The following ATP2C1 variants were observed in gnomAD, a reference collection of about 807,000 sequenced individuals.
ATP2C1 encodes calcium-transporting ATPase type 2C member 1.
In ATP2C1, 31 loss-of-function variants were observed where a neutral mutation model predicts 120.5. That is an observed-to-expected ratio of 0.26 (90% CI 0.19 to 0.35). ATP2C1 has a LOEUF of 0.35. Among genes scored for constraint, ATP2C1 ranks in the 10% least tolerant of loss-of-function variants. The pLI is 1.00. For synonymous variants in ATP2C1, 351 were observed against 358.7 expected, an observed-to-expected ratio of 0.98 and a Z score of 0.24; for missense variants, 731 against 1,107.5, an observed-to-expected ratio of 0.66 and a Z score of 4.83.
intron 1 of ATP2C1, among the ~76,000 whole-genome samples, chr3:130,874,436 C>T (rs1046643734): frequency 1.3e-5 from 2 of 152,080 alleles, no homozygotes; most frequent in African/African-American, 2.4e-5. Flanking sequence ...AAGTACTTGT[C>T]GTAACATTTT....
intron 1 of ATP2C1, among the ~76,000 whole-genome samples, chr3:130,860,608 A>G: frequency 6.6e-6 from 1 of 152,250 alleles, no homozygotes; most frequent in East Asian, 1.9e-4. Context: ...TTCAAGAGGT[A>G]AAGTAACTTG....
chr3:130,991,319 TGTG>T (rs796900426), intron 20 of ATP2C1, among the ~76,000 whole-genome samples: 2 of 151,952 alleles, frequency 1.3e-5, no homozygotes, highest in Non-Finnish European at 2.9e-5. Flanking sequence ...GCATTAGCAA[TGTG>T]GTGGTGGTGG....
chr3:131,001,830 A>G lies in ATP2C1; in HGVS notation c.*480A>G, dbSNP rs2062899375. On this transcript the variant is annotated 3_prime_UTR_variant, in exon 28 of 28. Transcript: ENST00000510168. Reference sequence around the variant, plus strand: ...AGGAGTGCCATATTTCAGCTACTGTATTTCCTTTTTCTTGTAATGTAAGCA... The same window carrying G: ...AGGAGTGCCATATTTCAGCTACTGTGTTTCCTTTTTCTTGTAATGTAAGCA... The G allele has an allele frequency of 1.0e-6, 1 of 986,024 alleles. No individual in the cohort carries two copies. The highest frequency in any genetic ancestry group is 1.2e-6 in the Non-Finnish European group (1 of 830,180). The allele number at this position is 986,024 out of a possible 1,614,324, so 61.1% of individuals were successfully genotyped here.
intron 2 of ATP2C1, among the ~76,000 whole-genome samples, chr3:130,898,721 C>T (rs945769851): frequency 1.5e-4 from 23 of 152,062 alleles, no homozygotes; most frequent in Non-Finnish European, 3.4e-4. Context: ...GAATTCAGGT[C>T]TGTTAACGCA....
At chr3:130,875,678 GT>G (rs1204223012) in intron 1 of ATP2C1, among the ~76,000 whole-genome samples, 13 of 152,102 alleles carry the variant, frequency 8.5e-5, no homozygotes, top group African/African-American at 3.1e-4. Context: ...TCTATTTTTA[GT>G]TTTTTGAGGA....
chr3:130,883,945 C>T (rs371373560), intron 1 of ATP2C1, among the ~76,000 whole-genome samples: 20 of 122,410 alleles, frequency 1.6e-4, no homozygotes, highest in South Asian at 5.4e-4. Flanking sequence ...TTCTTTTCTT[C>T]TTTTTTTTTT....
At chr3:130,984,902 A>G (rs1576992124) in intron 20 of ATP2C1, among the ~76,000 whole-genome samples, 2 of 150,168 alleles carry the variant, frequency 1.3e-5, no homozygotes, top group East Asian at 1.9e-4. Flanking sequence ...ATAAACACTC[A>G]GGCATATTAT....
rs1045902096 is a variant in ATP2C1, at chr3:130,894,094, G to C, written c.-424G>C. 1.0e-5 allele frequency: 10 copies of C among 977,124 alleles called. No individual in the cohort carries two copies. Among genetic ancestry groups the C allele is most frequent in the East Asian group, 2.3e-4 (2 of 8,734 alleles). 60.5% of individuals were successfully genotyped at this position (977,124 alleles called of 1,614,324 possible). A position where few individuals can be genotyped will look rare whatever the true frequency, so the allele number is the denominator to read the frequency against. Reference sequence around the variant, plus strand: ...GTCGGAGGCGGGAGCAGACCAGCACGGCCTCGCGGAGCCGGCCCGGCGGAC... The same window carrying C: ...GTCGGAGGCGGGAGCAGACCAGCACCGCCTCGCGGAGCCGGCCCGGCGGAC... On this transcript the variant is annotated 5_prime_UTR_variant, in exon 1 of 28. Coordinates refer to ENST00000510168, the MANE Select transcript of ATP2C1 (RefSeq NM_001378687.1). This position sits in a 1 kb window ranked among gnomAD's most constrained non-coding sequence, Gnocchi z 4.5.
intron 1 of ATP2C1, among the ~76,000 whole-genome samples, chr3:130,881,810 T>C (rs2107819073): frequency 6.6e-6 from 1 of 152,330 alleles, no homozygotes; most frequent in African/African-American, 2.4e-5. Flanking sequence ...TTAATTTTAT[T>C]TGTGGCTATT....
chr3:130,903,052 T>A (rs1053205330), intron 2 of ATP2C1, among the ~76,000 whole-genome samples: 2 of 152,082 alleles, frequency 1.3e-5, no homozygotes, highest in East Asian at 3.8e-4. Context: ...ACTCTTACTA[T>A]ACATTATTTT....
At chr3:130,874,469 T>C (rs564646640) in intron 1 of ATP2C1, among the ~76,000 whole-genome samples, 65 of 152,346 alleles carry the variant, frequency 4.3e-4, no homozygotes, top group Non-Finnish European at 8.2e-4. Flanking sequence ...ATTCATATTG[T>C]ATTATACTCT....
chr3:130,975,713 G>T (rs2061506219), intron 18 of ATP2C1, among the ~76,000 whole-genome samples: 1 of 152,178 alleles, frequency 6.6e-6, no homozygotes, highest in African/African-American at 2.4e-5. Flanking sequence ...ATCTCCAGAG[G>T]TCTCTGAGTA....
At chr3:130,977,924 T>C (rs556770833) in intron 18 of ATP2C1, among the ~76,000 whole-genome samples, 1 of 152,196 alleles carries the variant, frequency 6.6e-6, no homozygotes, top group African/African-American at 2.4e-5. Flanking sequence ...TAGAGTATAT[T>C]TTGTTTTATG....
chr3:130,873,596 A>G (rs945208790), intron 1 of ATP2C1, among the ~76,000 whole-genome samples: 30 of 152,334 alleles, frequency 2.0e-4, no homozygotes, highest in African/African-American at 7.2e-4. Flanking sequence ...TAAATGAGGA[A>G]AAAATATAAG....
intron 1 of ATP2C1, among the ~76,000 whole-genome samples, chr3:130,852,993 G>A (rs557923945): frequency 0.01 from 1,556 of 151,940 alleles, 24 homozygotes; most frequent in Non-Finnish European, 0.011. Flanking sequence ...CTCCTTGAGA[G>A]ATTTCTAAAA....
chr3:130,855,716 G>C (rs2067817446), intron 1 of ATP2C1, among the ~76,000 whole-genome samples: 1 of 152,174 alleles, frequency 6.6e-6, no homozygotes, highest in South Asian at 2.1e-4. Flanking sequence ...CCAGAGAATA[G>C]GTGATGCCTG....
intron 2 of ATP2C1, among the ~76,000 whole-genome samples, chr3:130,913,263 TA>T (rs933268865): frequency 1.6e-3 from 239 of 146,176 alleles, no homozygotes; most frequent in African/African-American, 3.9e-3. Flanking sequence ...TAAATAAATT[TA>T]AAAAAAAAAA....
intron 2 of ATP2C1, among the ~76,000 whole-genome samples, chr3:130,902,341 G>A (rs553819533): frequency 7.8e-6 from 1 of 128,292 alleles, no homozygotes; most frequent in East Asian, 2.3e-4. Context: ...TGAGTGGGAT[G>A]CCTAGGAAAC....
At chr3:130,924,101 T>C (rs2059094042) in intron 2 of ATP2C1, among the ~76,000 whole-genome samples, 1 of 152,014 alleles carries the variant, frequency 6.6e-6, no homozygotes, top group Admixed American at 6.6e-5. Context: ...GTACTGTTGT[T>C]TTCATCATGC....
Sources: gnomAD v4.1 joint callset for allele counts (sites outside exome capture counted in the v4.1 genomes callset) on GRCh38, gnomAD v4.1.1 for gene constraint, Gnocchi (gnomAD v3.1) non-coding constraint, MANE v1.5 for transcripts, NCBI Gene and HGNC (gene_info 2026-07-23, HGNC 2026-07-21) for gene names.